Variants in NCAPD3 observed in about 807,000 individuals in gnomAD.
The protein encoded by NCAPD3 is non-SMC condensin II complex subunit D3.
In NCAPD3, 105 loss-of-function variants were observed where a neutral mutation model predicts 182.9. That is an observed-to-expected ratio of 0.57 (90% CI 0.49 to 0.68). The LOEUF (loss-of-function observed/expected upper bound fraction) is 0.68, where lower values mean the gene tolerates loss of function less well. NCAPD3 is among the 30% of genes least tolerant of loss of function. The pLI is 0.00. For synonymous variants in NCAPD3, 815 were observed against 679.9 expected (o/e 1.20, Z -3.09); for missense variants, 1,944 against 1,837.0 (o/e 1.06, Z -1.07).
At chr11:134,168,291 T>C in intron 26 of NCAPD3, 96 bp from the exon 27 acceptor site, 1 of 1,434,700 alleles carries the variant, frequency 7.0e-7, no homozygotes, top group Non-Finnish European at 9.7e-7. Flanking sequence ...CATCTGAGGC[T>C]GTCAGGGGGT....
chr11:134,158,951 C>T (rs1451636), intron 29 of NCAPD3, among the ~76,000 whole-genome samples: 2,663 of 152,286 alleles, frequency 0.017, 47 homozygotes, highest in Non-Finnish European at 0.026. Context: ...TGGCTTATTT[C>T]ACTTAATATA....
chr11:134,173,320 G>C (rs908738476), intron 24 of NCAPD3: 1 of 154,166 alleles, frequency 6.5e-6, no homozygotes, highest in East Asian at 1.9e-4. Context: ...TGTCCTCTTT[G>C]AGATACCACA....
intron 3 of NCAPD3, among the ~76,000 whole-genome samples, chr11:134,212,114 G>A (rs760705249): frequency 6.6e-6 from 1 of 152,080 alleles, no homozygotes; most frequent in Non-Finnish European, 1.5e-5. Context: ...ATTCTTGAAG[G>A]TGAAATAAAG....
Position 134,152,915 on chromosome 11 carries a change from C to A in NCAPD3, c.*29G>T. The stretch of plus-strand genomic sequence containing the variant: ...GAGACTGCTTCCTCAAGGGCTCCTG[C>A]CTGCCTGGACACTGGTGGGAGGCGC... On this transcript the variant is annotated 3_prime_UTR_variant, in exon 35 of 35. Transcript: ENST00000534548. 1 of 1,497,734 alleles carries A rather than the reference C, an allele frequency of 6.7e-7. No homozygotes were observed. Among genetic ancestry groups the A allele is most frequent in the South Asian group, 1.3e-5 (1 of 74,742 alleles). The allele number at this position is 1,497,734 out of a possible 1,614,324, so 92.8% of individuals were successfully genotyped here. A position where few individuals can be genotyped will look rare whatever the true frequency, so the allele number is the denominator to read the frequency against.
At chr11:134,225,001 G>A (rs1402439342), upstream of NCAPD3, 12 of 870,570 alleles carry the variant, frequency 1.4e-5, 2 homozygotes, top group South Asian at 3.5e-4. Flanking sequence ...GCGGAGCCAG[G>A]CAGCCCCGCG....
At chr11:134,224,767 C>CCACACCCGG (rs1938398472), upstream of NCAPD3, 1 of 152,552 alleles carries the variant, frequency 6.6e-6, no homozygotes, top group South Asian at 2.1e-4. Context: ...CGCAGGCCAC[C>CCACACCCGG]CACACCCGGC....
At chr11:134,218,598 G>A (rs1938115438) in intron 2 of NCAPD3, among the ~76,000 whole-genome samples, 1 of 152,014 alleles carries the variant, frequency 6.6e-6, no homozygotes, top group South Asian at 2.1e-4. Flanking sequence ...CATCTTCCTA[G>A]TTTTGAAACC....
chr11:134,165,776 C>T (rs541514689), intron 27 of NCAPD3, among the ~76,000 whole-genome samples: 1 of 145,288 alleles, frequency 6.9e-6, no homozygotes, highest in Non-Finnish European at 1.5e-5. Context: ...GAGGTACACA[C>T]TCGTGAGAGG....
At chr11:134,221,870 G>A (rs552226379) in intron 1 of NCAPD3, among the ~76,000 whole-genome samples, 2 of 152,326 alleles carry the variant, frequency 1.3e-5, no homozygotes, top group East Asian at 1.9e-4. Context: ...TGTACCCTAA[G>A]TGGCTATGCA....
At chr11:134,170,737 C>G (rs991780392) in intron 24 of NCAPD3, among the ~76,000 whole-genome samples, 2 of 152,166 alleles carry the variant, frequency 1.3e-5, no homozygotes, top group African/African-American at 4.8e-5. Flanking sequence ...CTTGCTGAAC[C>G]ATCTATACAA....
intron 27 of NCAPD3, among the ~76,000 whole-genome samples, chr11:134,162,679 A>C (rs147044923): frequency 2.2e-4 from 33 of 152,362 alleles, no homozygotes; most frequent in African/African-American, 6.3e-4. Flanking sequence ...GCAATTTAAT[A>C]AACCCAGATG....
At chr11:134,167,020 A>T (rs1158246712) in intron 27 of NCAPD3, among the ~76,000 whole-genome samples, 12 of 93,284 alleles carry the variant, frequency 1.3e-4, no homozygotes, top group South Asian at 4.1e-4. Flanking sequence ...CACACTCACT[A>T]GTGAGATGAG....
intron 31 of NCAPD3, among the ~76,000 whole-genome samples, chr11:134,157,433 T>A (rs553839914): frequency 2.0e-5 from 3 of 152,334 alleles, no homozygotes; most frequent in East Asian, 3.9e-4. Context: ...TGTACAAGGA[T>A]GTTTACTGTG....
In NCAPD3 at chr11:134,210,461, A is replaced by G; in HGVS notation, c.383-7T>C. The G allele has an allele frequency of 6.2e-7, 1 of 1,611,526 alleles. No individual in the cohort carries two copies. The highest frequency in any genetic ancestry group is 2.2e-5 in the East Asian group (1 of 44,876). On this transcript the variant is annotated splice_polypyrimidine_tract_variant and splice_region_variant and intron_variant, in intron 3 of 34. Coordinates refer to ENST00000534548, the MANE Select transcript of NCAPD3 (RefSeq NM_015261.3). ...ACTTGATTGGCTACACTGCCTATTC[A>G]TGAGGAATAAAGAGTAAGCAAGTTA...
intron 3 of NCAPD3, among the ~76,000 whole-genome samples, chr11:134,215,385 T>C (rs766101017): frequency 2.6e-5 from 4 of 152,186 alleles, no homozygotes; most frequent in Admixed American, 6.5e-5. Context: ...AGTAAACCTG[T>C]GTCTATTCAC....
chr11:134,185,677 G>T (rs573659163), intron 16 of NCAPD3, 151 bp from the exon 17 acceptor site: 1 of 510,710 alleles, frequency 2.0e-6, no homozygotes, highest in Non-Finnish European at 3.3e-6. Flanking sequence ...AATTAGTGGC[G>T]TGTCTGATAC....
chr11:134,167,889 A>C (rs1240362916), intron 27 of NCAPD3, 107 bp downstream of exon 27: 3 of 1,030,682 alleles, frequency 2.9e-6, no homozygotes, highest in Non-Finnish European at 4.4e-6. Flanking sequence ...GGAGGTGCAC[A>C]CTCACTTGTG....
intron 28 of NCAPD3, among the ~76,000 whole-genome samples, chr11:134,160,543 T>C (rs1943548388): frequency 6.6e-6 from 1 of 152,156 alleles, no homozygotes. Context: ...CCCCATTGGC[T>C]CTCAGGGGAT....
chr11:134,225,268 A>T, upstream of NCAPD3: 1 of 1,614,114 alleles, frequency 6.2e-7, no homozygotes, highest in Non-Finnish European at 8.5e-7. Context: ...GTCTCCGGGA[A>T]GGTGAGCCTT....
Sources: allele counts gnomAD v4.1 joint callset (sites outside exome capture counted in the v4.1 genomes callset), GRCh38; gene constraint gnomAD v4.1.1; transcripts MANE v1.5; gene names NCBI Gene and HGNC (gene_info 2026-07-23, HGNC 2026-07-21).